P2RX3: variants seen among roughly 807,000 people sequenced by gnomAD.
P2RX3 encodes the protein P2X purinoceptor 3.
Under a neutral mutation model 51.5 loss-of-function variants are expected in P2RX3, and 41 were observed. The observed-to-expected ratio is 0.80, with a 90% CI of 0.62 to 1.03. The LOEUF (loss-of-function observed/expected upper bound fraction) is 1.03, where lower values mean the gene tolerates loss of function less well. P2RX3 is among the 50% of genes least tolerant of loss of function. P2RX3 has a pLI of 0.00. For missense variants in P2RX3, 459 were observed against 522.1 expected (o/e 0.88, Z 1.18); for synonymous variants, 185 against 191.6 (o/e 0.97, Z 0.29).
upstream of P2RX3, among the ~76,000 whole-genome samples, chr11:57,336,066 C>T (rs933541892): frequency 6.6e-6 from 1 of 152,138 alleles, no homozygotes; most frequent in Admixed American, 6.5e-5. Context: ...GACACTTCTT[C>T]AGTCGAGACT....
intron 9 of P2RX3, 91 bp from the exon 10 acceptor site, chr11:57,368,281 C>T (rs1856827669): frequency 2.1e-6 from 3 of 1,447,814 alleles, no homozygotes; most frequent in Admixed American, 3.4e-5. Flanking sequence ...TGCTGATCCA[C>T]CAAGAACCCT....
At chr11:57,339,720 A>G (rs1856303410) in intron 1 of P2RX3, among the ~76,000 whole-genome samples, 1 of 152,188 alleles carries the variant, frequency 6.6e-6, no homozygotes, top group Non-Finnish European at 1.5e-5. Flanking sequence ...TTTGCATTTG[A>G]GGCAGCAATC....
chr11:57,351,685 T>C (rs956114452), intron 8 of P2RX3, among the ~76,000 whole-genome samples: 11 of 152,356 alleles, frequency 7.2e-5, no homozygotes, highest in Admixed American at 5.9e-4. Flanking sequence ...CTTTCTGTTT[T>C]GTTTCTCTCT....
rs1183553337 is a variant in P2RX3 at position 57,350,296 on chromosome 11, C to CTTTTTTTT, written c.705+412_705+419dup. ...CCAATGTTCGCATCCGAGCCACAAC[C>CTTTTTTTT]TTTTTTTTTTTTTTTTTTTTTGAGA... On this transcript the variant is annotated intron_variant, in intron 7 of 11. Transcript: ENST00000263314. 776 of 108,742 alleles carry CTTTTTTTT rather than the reference C, an allele frequency of 7.1e-3. 15 individuals are homozygous for CTTTTTTTT. Among genetic ancestry groups the CTTTTTTTT allele is most frequent in the East Asian group, 0.014 (42 of 3,092 alleles). The allele number at this position is 108,742 out of a possible 1,614,324, so 6.7% of individuals were successfully genotyped here. A position where few individuals can be genotyped will look rare whatever the true frequency, so the allele number is the denominator to read the frequency against.
chr11:57,347,261 G>C, intron 3 of P2RX3, 74 bp downstream of exon 3: 1 of 1,545,574 alleles, frequency 6.5e-7, no homozygotes, highest in Non-Finnish European at 8.9e-7. Context: ...CAGTGGCAGG[G>C]AGGTATGAGC....
At chr11:57,354,033 T>C (rs1254878118) in intron 8 of P2RX3, among the ~76,000 whole-genome samples, 4 of 152,108 alleles carry the variant, frequency 2.6e-5, no homozygotes, top group Non-Finnish European at 5.9e-5. Context: ...AATGTGACCC[T>C]TGTGATTTAA....
chr11:57,350,872 C>G lies in P2RX3; in HGVS notation c.816C>G (p.Ser272Arg). 6.2e-7 allele frequency: 1 copy of G among 1,614,164 alleles called. No homozygotes were observed. The highest frequency in any genetic ancestry group is 2.2e-5 in the East Asian group (1 of 44,886). Residue 272 changes from serine (S) to arginine (R), a missense_variant, in exon 8 of 12, where the codon AGC becomes AGG. Physicochemically the swap from Ser to Arg is moderately radical, Grantham distance 110. Transcript: ENST00000263314. ...FTRLDSVSEK[S>R]SVSPGYNFRF... The stretch of plus-strand genomic sequence containing the variant: ...GGCTCGACAGCGTTTCTGAGAAAAG[C>G]AGCGTGTCCCCAGGCTACAACTTCA...
At position 57,363,326 on chromosome 11, in the gene P2RX3, TAACA is replaced by T. The variant is rs1334621494; in HGVS notation, c.843-4675_843-4672del. Among the ~76,000 whole-genome samples, 3 of 152,204 alleles carry T rather than the reference TAACA, an allele frequency of 2.0e-5. No individual in the cohort carries two copies. In the East Asian group the frequency reaches 5.8e-4, roughly 29 times the overall value. On this transcript the variant is annotated intron_variant, in intron 8 of 11. Coordinates refer to ENST00000263314, the MANE Select transcript of P2RX3 (RefSeq NM_002559.5). ...TCAGGGTTAGCATTGCTAGTTGCTA[TAACA>T]AACAAACCCCTCATTTCAGTGGCTT...
chr11:57,350,326 G>A (rs540000079), intron 7 of P2RX3: 293 of 142,424 alleles, frequency 2.1e-3, no homozygotes, highest in African/African-American at 7.8e-3. Context: ...TTGAGACAGA[G>A]TCTCGATCTG....
intron 8 of P2RX3, among the ~76,000 whole-genome samples, chr11:57,355,749 C>T (rs75403000): frequency 6.6e-6 from 1 of 152,240 alleles, no homozygotes; most frequent in African/African-American, 2.4e-5. Context: ...TTCATTCCCC[C>T]AGGCCTGCAC....
intron 10 of P2RX3, 107 bp from the exon 11 acceptor site, chr11:57,369,254 C>A: frequency 1.1e-6 from 1 of 901,030 alleles, no homozygotes; most frequent in Middle Eastern, 3.3e-4. Flanking sequence ...GTCCTGCCCA[C>A]TGTTTAGGCA....
At chr11:57,342,286 G>A (rs997220775) in intron 1 of P2RX3, among the ~76,000 whole-genome samples, 1 of 150,982 alleles carries the variant, frequency 6.6e-6, no homozygotes, top group African/African-American at 2.4e-5. Flanking sequence ...CAGCCTCCCC[G>A]GTAGCTGGGA....
intron 8 of P2RX3, among the ~76,000 whole-genome samples, chr11:57,366,392 A>C (rs1447513378): frequency 6.6e-6 from 1 of 152,088 alleles, no homozygotes; most frequent in Non-Finnish European, 1.5e-5. Flanking sequence ...GTGAGAATGA[A>C]ATGGGATCAT....
intron 8 of P2RX3, among the ~76,000 whole-genome samples, chr11:57,352,260 T>C (rs1037350891): frequency 2.0e-5 from 3 of 152,182 alleles, no homozygotes; most frequent in Admixed American, 2.0e-4. Context: ...AAAATATACA[T>C]GTATATTCTC....
At chr11:57,359,436 C>T (rs1242126970) in intron 8 of P2RX3, among the ~76,000 whole-genome samples, 1 of 152,204 alleles carries the variant, frequency 6.6e-6, no homozygotes. Flanking sequence ...ACCATCCCCG[C>T]TGCCCTTCAA....
intron 7 of P2RX3, 44 bp downstream of exon 7, chr11:57,349,942 T>G: frequency 6.2e-7 from 1 of 1,609,706 alleles, no homozygotes; most frequent in Non-Finnish European, 8.5e-7. Context: ...CTCCCCACCT[T>G]CAGCCCTTTC....
intron 1 of P2RX3, among the ~76,000 whole-genome samples, chr11:57,343,988 C>T (rs1423341119): frequency 6.6e-6 from 1 of 152,158 alleles, no homozygotes; most frequent in African/African-American, 2.4e-5. Flanking sequence ...CTACGTGAGG[C>T]ATACTTCCTT....
rs1856886799 is a variant in P2RX3 at position 57,371,550 on chromosome 11, AC to A, written c.*1554del. 6.6e-6 allele frequency among the ~76,000 whole-genome samples: 1 copy of A among 152,170 alleles called. No homozygotes were observed. Among genetic ancestry groups the A allele is most frequent in the South Asian group, 2.1e-4 (1 of 4,820 alleles). Reference sequence around the variant, plus strand: ...AGTTCAGGAGGCTCAAATGGTGGGTACTTGCAAAGGCCTTGCCCAATGACCC... The same window carrying A: ...AGTTCAGGAGGCTCAAATGGTGGGTATTGCAAAGGCCTTGCCCAATGACCC... On this transcript the variant is annotated 3_prime_UTR_variant, in exon 12 of 12. Transcript: ENST00000263314.
chr11:57,339,386 C>T (rs1856296952), intron 1 of P2RX3, among the ~76,000 whole-genome samples: 1 of 152,102 alleles, frequency 6.6e-6, no homozygotes, highest in Non-Finnish European at 1.5e-5. Context: ...TCCAGAAATG[C>T]TCCCCTTTGT....
Sources: gnomAD v4.1 joint callset for allele counts (sites outside exome capture counted in the v4.1 genomes callset) on GRCh38, gnomAD v4.1.1 for gene constraint, MANE v1.5 for transcripts, NCBI Gene and HGNC (gene_info 2026-07-23, HGNC 2026-07-21) for gene names.